AHDC1: variants seen among roughly 807,000 people sequenced by gnomAD.
AHDC1 encodes the protein AT-hook DNA binding motif containing 1.
Under a neutral mutation model 87.9 loss-of-function variants are expected in AHDC1, and 7 were observed. The ratio of observed to expected loss-of-function variants is 0.08; its 90% CI spans 0.05 to 0.15. The LOEUF (loss-of-function observed/expected upper bound fraction) is 0.15, where lower values mean the gene tolerates loss of function less well. Ranked by LOEUF, AHDC1 falls within the 10% of genes least tolerant of loss-of-function variation. AHDC1 has a pLI of 1.00. For missense variants in AHDC1, 1,841 were observed against 2,253.2 expected (o/e 0.82, Z 3.70); for synonymous variants, 1,051 against 1,006.8 (o/e 1.04, Z -0.83).
At chr1:27,541,976 G>C (rs2018944869) in intron 8 of AHDC1, among the ~76,000 whole-genome samples, 1 of 152,204 alleles carries the variant, frequency 6.6e-6, no homozygotes. Context: ...GCCCTGTGGG[G>C]GCAGGGCACT....
intron 3 of AHDC1, among the ~76,000 whole-genome samples, chr1:27,575,513 GC>G: frequency 6.6e-6 from 1 of 151,994 alleles, no homozygotes; most frequent in Non-Finnish European, 1.5e-5. Flanking sequence ...CGGGCGCCAG[GC>G]GCCCCTGCCC....
chr1:27,541,343 G>A (rs1336795002), intron 8 of AHDC1, among the ~76,000 whole-genome samples: 2 of 151,986 alleles, frequency 1.3e-5, no homozygotes, highest in East Asian at 1.9e-4. Context: ...TTTTGAGACG[G>A]AGTCTTGCTC....
Position 27,549,146 on chromosome 1 carries a change from C to T in AHDC1, c.2970G>A (p.Gln990=). Reference sequence around the variant, plus strand: ...TGCAGTCCTTGCTGTTAGCGCAGTCCTGGCCTGTAAAGGGCTTAGTTGGGG... The same window carrying T: ...TGCAGTCCTTGCTGTTAGCGCAGTCTTGGCCTGTAAAGGGCTTAGTTGGGG... ...VFAPTKPFTG[Q]DCANSKDCSF... is the part of the protein sequence containing the mutation. Residue 990 remains glutamine (Q), a synonymous_variant, in exon 8 of 9, where the codon CAG becomes CAA. Coordinates refer to ENST00000673934, the MANE Select transcript of AHDC1 (RefSeq NM_001371928.1). 2 of 1,562,818 alleles carry T rather than the reference C, an allele frequency of 1.3e-6. No homozygotes were observed. The highest frequency in any genetic ancestry group is 1.7e-6 in the Non-Finnish European group (2 of 1,152,664).
chr1:27,573,852 G>A (rs1557690219), intron 3 of AHDC1, among the ~76,000 whole-genome samples: 1 of 152,320 alleles, frequency 6.6e-6, no homozygotes, highest in East Asian at 1.9e-4. Flanking sequence ...TTGCAGAAAA[G>A]CAAACTGAGG....
chr1:27,603,161 C>T (rs1192215064), intron 3 of AHDC1, among the ~76,000 whole-genome samples: 4 of 148,184 alleles, frequency 2.7e-5, no homozygotes, highest in African/African-American at 9.8e-5. Context: ...TCCCCGCCCC[C>T]CCTCCCCGTC....
chr1:27,534,266 T>G lies in AHDC1; in HGVS notation c.*694A>C, dbSNP rs529587363. On this transcript the variant is annotated 3_prime_UTR_variant, in exon 9 of 9. Coordinates refer to ENST00000673934, the MANE Select transcript of AHDC1 (RefSeq NM_001371928.1). The stretch of plus-strand genomic sequence containing the variant: ...AAGGTTGGTTTTTTTTTTTTGTTTT[T>G]TTTTTGTTTTTTTTTTGCTTTTTTT... 5.4e-4 allele frequency: 81 copies of G among 151,232 alleles called. No individual in the cohort carries two copies. Among genetic ancestry groups the G allele is most frequent in the African/African-American group, 1.6e-3 (67 of 41,138 alleles). The allele number at this position is 151,232 out of a possible 1,614,324, so 9.4% of individuals were successfully genotyped here. A position where few individuals can be genotyped will look rare whatever the true frequency, so the allele number is the denominator to read the frequency against.
At chr1:27,567,517 C>A (rs1359865699) in intron 3 of AHDC1, among the ~76,000 whole-genome samples, 61 of 152,332 alleles carry the variant, frequency 4.0e-4, no homozygotes, top group Admixed American at 3.2e-3. Context: ...CCTTGGCTGC[C>A]TGGCCCCATC....
At chr1:27,594,145 A>G (rs1317294809) in intron 3 of AHDC1, among the ~76,000 whole-genome samples, 1 of 152,122 alleles carries the variant, frequency 6.6e-6, no homozygotes, top group Admixed American at 6.5e-5. Context: ...GGTGGAACAG[A>G]TGGTGGAGAT....
Position 27,571,411 on chromosome 1 carries a change from C to T in AHDC1, c.-628-12528G>A, listed in dbSNP as rs1487006757. ...CTGGGACAAAGAGCCTGGAGCGGAG[C>T]AGAACCCTGAGCTGCAGCAGGAGGA... On this transcript the variant is annotated intron_variant, in intron 3 of 8. Transcript: ENST00000673934. Among the ~76,000 whole-genome samples the T allele has an allele frequency of 7.9e-5, 12 of 152,136 alleles. No individual in the cohort carries two copies. In the East Asian group the frequency reaches 2.3e-3, roughly 29 times the overall value.
chr1:27,597,591 C>A (rs550267071), intron 3 of AHDC1, among the ~76,000 whole-genome samples: 1 of 152,108 alleles, frequency 6.6e-6, no homozygotes, highest in Non-Finnish European at 1.5e-5. Flanking sequence ...GGGCTCTGGG[C>A]GGCTTCTCTC....
In AHDC1 at chr1:27,550,136, A is replaced by C; in HGVS notation, c.1980T>G (p.His660Gln). Reference protein sequence around the residue: ...PDTQSISHFLHRVQGFRRRGG... With the variant: ...PDTQSISHFLQRVQGFRRRGG... ...CACGCCGCCGGAAGCCCTGCACACG[A>C]TGCAGGAAGTGGGAGATGCTCTGGG... The change falls in exon 8 of 9, where the codon CAT becomes CAG. Residue 660 changes from histidine (H) to glutamine (Q), a missense_variant. Coordinates refer to ENST00000673934, the MANE Select transcript of AHDC1 (RefSeq NM_001371928.1). 1 of 1,610,728 alleles carries C rather than the reference A, an allele frequency of 6.2e-7. No homozygotes were observed. Among genetic ancestry groups the C allele is most frequent in the South Asian group, 1.1e-5 (1 of 91,080 alleles).
chr1:27,537,937 C>T (rs75263743), intron 8 of AHDC1, among the ~76,000 whole-genome samples: 1,553 of 152,260 alleles, frequency 0.01, 9 homozygotes, highest in Non-Finnish European at 0.017. Flanking sequence ...GGCTGCTCTC[C>T]TCCAAAAAGG....
intron 5 of AHDC1, among the ~76,000 whole-genome samples, chr1:27,554,462 T>G (rs2019733904): frequency 6.6e-6 from 1 of 152,294 alleles, no homozygotes; most frequent in Non-Finnish European, 1.5e-5. Flanking sequence ...CACCTGACCC[T>G]GGGGCCTGGG....
chr1:27,584,201 A>AGTC, intron 3 of AHDC1, among the ~76,000 whole-genome samples: 1 of 152,336 alleles, frequency 6.6e-6, no homozygotes, highest in East Asian at 1.9e-4. Flanking sequence ...CTGACTCCAA[A>AGTC]GTCGGGACGC....
Position 27,565,881 on chromosome 1 carries a change from G to A in AHDC1, c.-628-6998C>T, listed in dbSNP as rs1380406788. ...GATGGAGCCCATCCCCTAAAACCCT[G>A]GAAAGGCAGACTCACACTCTTGTTT... On this transcript the variant is annotated intron_variant, in intron 3 of 8. Coordinates refer to ENST00000673934, the MANE Select transcript of AHDC1 (RefSeq NM_001371928.1). The surrounding 1 kb of genome is among the most constrained non-coding windows in gnomAD (Gnocchi z 4.6). Among the ~76,000 whole-genome samples the A allele has an allele frequency of 1.3e-5, 2 of 152,112 alleles. No individual in the cohort carries two copies. The highest frequency in any genetic ancestry group is 2.9e-5 in the Non-Finnish European group (2 of 68,012).
intron 3 of AHDC1, among the ~76,000 whole-genome samples, chr1:27,571,798 A>C (rs2148399637): frequency 6.6e-6 from 1 of 151,886 alleles, no homozygotes; most frequent in South Asian, 2.1e-4. Flanking sequence ...GTGGGTTTGC[A>C]GGGAGCGGGG....
intron 3 of AHDC1, among the ~76,000 whole-genome samples, chr1:27,572,755 C>T (rs2088576727): frequency 6.6e-6 from 1 of 152,222 alleles, no homozygotes; most frequent in Admixed American, 6.5e-5. Context: ...CAAAGCCCGG[C>T]TCTCTGCTTC....
chr1:27,577,915 G>A (rs1228347049), intron 3 of AHDC1, among the ~76,000 whole-genome samples: 1 of 152,178 alleles, frequency 6.6e-6, no homozygotes, highest in Non-Finnish European at 1.5e-5. Flanking sequence ...AGGGAGTTAA[G>A]ACTCCAGGGG....
Position 27,551,345 on chromosome 1 carries a change from C to T in AHDC1, c.771G>A (p.Gln257=), listed in dbSNP as rs758222840. 1.6e-4 allele frequency: 254 copies of T among 1,613,510 alleles called. 2 individuals are homozygous for T. The South Asian group carries it at 2.6e-3, about 16-fold the overall frequency. The change falls in exon 8 of 9, where the codon CAG becomes CAA. Residue 257 remains glutamine, a synonymous_variant. Transcript: ENST00000673934. ...GCTCGAGGGCCTGGGCCTCTAGCAGCTGGGCCTCTGGGCAAGTGAGGGAGG... is the reference window on the plus strand; with the variant it reads ...GCTCGAGGGCCTGGGCCTCTAGCAGTTGGGCCTCTGGGCAAGTGAGGGAGG... ...ELASLTCPEA[Q]LLEAQALEPP...
Sources: allele counts gnomAD v4.1 joint callset (sites outside exome capture counted in the v4.1 genomes callset), GRCh38; gene constraint gnomAD v4.1.1; non-coding constraint Gnocchi (gnomAD v3.1); transcripts MANE v1.5; gene names NCBI Gene and HGNC (gene_info 2026-07-23, HGNC 2026-07-21).